The following DLG2 variants were observed in gnomAD, a reference collection of about 807,000 sequenced individuals.
The protein encoded by DLG2 is discs large MAGUK scaffold protein 2, also known as disks large homolog 2.
Under a neutral mutation model 132.5 loss-of-function variants are expected in DLG2, and 45 were observed. The ratio of observed to expected loss-of-function variants is 0.34; its 90% CI spans 0.27 to 0.44. The LOEUF is 0.44. Among genes scored for constraint, DLG2 ranks in the 20% least tolerant of loss-of-function variants. The pLI is 1.00. For synonymous variants in DLG2, 424 were observed against 419.6 expected, an observed-to-expected ratio of 1.01 and a Z score of -0.13; for missense variants, 1,045 against 1,196.9, an observed-to-expected ratio of 0.87 and a Z score of 1.87.
intron 6 of DLG2, among the ~76,000 whole-genome samples, chr11:84,673,494 A>C (rs1034393909): frequency 2.0e-5 from 3 of 151,890 alleles, no homozygotes; most frequent in Admixed American, 2.0e-4. Context: ...TATTATAAAT[A>C]AGTGCCTACC....
At chr11:83,674,531 A>G (rs2077369060) in intron 18 of DLG2, among the ~76,000 whole-genome samples, 1 of 152,238 alleles carries the variant, frequency 6.6e-6, no homozygotes, top group Admixed American at 6.5e-5. Context: ...CTTATATGAC[A>G]TATGACATAT....
At chr11:84,546,664 TG>T in intron 6 of DLG2, 1 of 532,868 alleles carries the variant, frequency 1.9e-6, no homozygotes, top group Admixed American at 2.2e-5. Flanking sequence ...GTGGCATATG[TG>T]ACAAACCCAA....
At chr11:84,454,224 G>C (rs933938548) in intron 7 of DLG2, among the ~76,000 whole-genome samples, 1 of 151,424 alleles carries the variant, frequency 6.6e-6, no homozygotes, top group East Asian at 1.9e-4. Context: ...AAGATGATAA[G>C]GTACAAAGGA....
At chr11:85,169,144 C>T (rs761316587) in intron 4 of DLG2, among the ~76,000 whole-genome samples, 1 of 152,078 alleles carries the variant, frequency 6.6e-6, no homozygotes, top group Non-Finnish European at 1.5e-5. Flanking sequence ...ACAATGGGAA[C>T]GCTATAAAAA....
At chr11:85,167,945 T>A (rs562404147) in intron 4 of DLG2, among the ~76,000 whole-genome samples, 45 of 152,084 alleles carry the variant, frequency 3.0e-4, no homozygotes, top group Non-Finnish European at 5.0e-4. Flanking sequence ...ACTAAGTAGT[T>A]CTCCTCTGCT....
rs2093664653 is a variant in DLG2, at chr11:83,990,804, T to C, written c.920-10162A>G. Among the ~76,000 whole-genome samples the C allele has an allele frequency of 3.3e-5, 5 of 152,144 alleles. No individual in the cohort carries two copies. The South Asian group carries it at 8.3e-4, about 25-fold the overall frequency. The stretch of plus-strand genomic sequence containing the variant: ...TGGTCCTGTCAGAGTTTATTTAGGA[T>C]CTGCTAGGTAAGGTGTTTACTGCTT... On this transcript the variant is annotated intron_variant, in intron 11 of 27. Coordinates refer to ENST00000376104, the MANE Select transcript of DLG2 (RefSeq NM_001142699.3).
chr11:85,264,089 G>A (rs989794596), intron 4 of DLG2, among the ~76,000 whole-genome samples: 10 of 152,140 alleles, frequency 6.6e-5, no homozygotes, highest in African/African-American at 2.4e-4. Context: ...TGTGCCAACA[G>A]GTTTGTGGTT....
At chr11:84,518,129 G>A (rs966649292) in intron 7 of DLG2, among the ~76,000 whole-genome samples, 1 of 141,544 alleles carries the variant, frequency 7.1e-6, no homozygotes, top group Non-Finnish European at 1.6e-5. Context: ...TCTAACTTCA[G>A]TTAGACTTCA....
chr11:85,287,909 G>A (rs796438084), intron 3 of DLG2, among the ~76,000 whole-genome samples: 11 of 152,204 alleles, frequency 7.2e-5, no homozygotes, highest in African/African-American at 2.4e-4. Context: ...GTTGAAAAAT[G>A]TACAAAACTG....
At chr11:84,106,679 A>G (rs181773383) in intron 9 of DLG2, among the ~76,000 whole-genome samples, 220 of 152,224 alleles carry the variant, frequency 1.4e-3, no homozygotes, top group African/African-American at 5.0e-3. Context: ...TTACATAAAA[A>G]TGCTTTAACA....
intron 3 of DLG2, among the ~76,000 whole-genome samples, chr11:85,563,522 T>C (rs1185963862): frequency 1.3e-5 from 2 of 151,760 alleles, no homozygotes; most frequent in African/African-American, 4.8e-5. Context: ...CAAGACATAC[T>C]AGACTTTTAA....
At chr11:85,426,333 A>C (rs947355675) in intron 3 of DLG2, among the ~76,000 whole-genome samples, 1 of 152,206 alleles carries the variant, frequency 6.6e-6, no homozygotes, top group Non-Finnish European at 1.5e-5. Context: ...TGCCTCCCCA[A>C]GTGGGTCCCT....
intron 6 of DLG2, among the ~76,000 whole-genome samples, chr11:84,870,435 T>C (rs193213722): frequency 7.4e-4 from 112 of 152,318 alleles, no homozygotes; most frequent in African/African-American, 2.7e-3. Context: ...TTCCAACTGG[T>C]TTTTTGAAAA....
At chr11:84,204,236 C>T (rs2096636369) in intron 8 of DLG2, among the ~76,000 whole-genome samples, 1 of 152,130 alleles carries the variant, frequency 6.6e-6, no homozygotes, top group Admixed American at 6.5e-5. Flanking sequence ...GGATTACAGG[C>T]GTAAGCCACC....
chr11:83,840,464 T>C (rs1364296132), intron 16 of DLG2, among the ~76,000 whole-genome samples: 2 of 152,192 alleles, frequency 1.3e-5, no homozygotes, highest in Admixed American at 1.3e-4. Context: ...AAAATCTAAA[T>C]TCCAGAGATA....
intron 6 of DLG2, among the ~76,000 whole-genome samples, chr11:85,065,194 C>A (rs1319282343): frequency 6.6e-6 from 1 of 151,394 alleles, no homozygotes; most frequent in Non-Finnish European, 1.5e-5. Context: ...GAACACTACC[C>A]TAGAATAGTC....
intron 7 of DLG2, among the ~76,000 whole-genome samples, chr11:84,447,553 A>G (rs2099038949): frequency 6.6e-6 from 1 of 152,184 alleles, no homozygotes. Flanking sequence ...ACTTGTAAAA[A>G]TATTTCATAA....
chr11:84,363,343 T>A (rs2098662190), intron 7 of DLG2, among the ~76,000 whole-genome samples: 1 of 151,712 alleles, frequency 6.6e-6, no homozygotes, highest in Non-Finnish European at 1.5e-5. Context: ...CTTCGCCCAC[T>A]TTTTGATGGG....
In DLG2 at chr11:85,550,223, T is replaced by C. The variant is rs186139928; in HGVS notation, c.40+48434A>G. On this transcript the variant is annotated intron_variant, in intron 3 of 27. Coordinates refer to ENST00000376104, the MANE Select transcript of DLG2 (RefSeq NM_001142699.3). ...AGGACGTCATACTGGCCCTTTGCCCTCACTGGCAGAGGACAGCCACCTAGC... is the reference window on the plus strand; with the variant it reads ...AGGACGTCATACTGGCCCTTTGCCCCCACTGGCAGAGGACAGCCACCTAGC... Among the ~76,000 whole-genome samples, 29 of 152,280 alleles carry C rather than the reference T, an allele frequency of 1.9e-4. 1 individual carries two copies. The highest frequency in any genetic ancestry group is 1.9e-3 in the Admixed American group (29 of 15,292).
Sources: allele counts gnomAD v4.1 joint callset (sites outside exome capture counted in the v4.1 genomes callset), GRCh38; gene constraint gnomAD v4.1.1; transcripts MANE v1.5; gene names NCBI Gene and HGNC (gene_info 2026-07-23, HGNC 2026-07-21).